ADAMTS16: variants seen among roughly 807,000 people sequenced by gnomAD.
ADAMTS16 encodes ADAM metallopeptidase with thrombospondin type 1 motif 16.
Under a neutral mutation model 145.8 loss-of-function variants are expected in ADAMTS16, and 94 were observed. The ratio of observed to expected loss-of-function variants is 0.64; its 90% CI spans 0.55 to 0.77. The LOEUF is 0.77. Among genes scored for constraint, ADAMTS16 ranks in the 30% least tolerant of loss-of-function variants. The pLI, the probability that ADAMTS16 is intolerant of heterozygous loss-of-function variation, is 0.00. For missense variants in ADAMTS16, 1,585 were observed against 1,591.5 expected (o/e 1.00, Z 0.07); for synonymous variants, 659 against 604.3 (o/e 1.09, Z -1.33).
chr5:5,198,443 C>T (rs1033053397), intron 8 of ADAMTS16, among the ~76,000 whole-genome samples: 18 of 152,270 alleles, frequency 1.2e-4, no homozygotes, highest in African/African-American at 4.3e-4. Context: ...CGCCAGATTT[C>T]CTTGGATACC....
chr5:5,173,747 A>G (rs1735113273), intron 3 of ADAMTS16, among the ~76,000 whole-genome samples: 1 of 152,204 alleles, frequency 6.6e-6, no homozygotes, highest in Non-Finnish European at 1.5e-5. Flanking sequence ...TGCTGGGATT[A>G]CAGGATAACT....
At chr5:5,275,205 C>G (rs892399977) in intron 18 of ADAMTS16, among the ~76,000 whole-genome samples, 2 of 152,050 alleles carry the variant, frequency 1.3e-5, no homozygotes, top group Non-Finnish European at 2.9e-5. Context: ...ATTCTCTGAC[C>G]CATCAATAAT....
At chr5:5,312,113 T>C (rs1259593374) in intron 21 of ADAMTS16, among the ~76,000 whole-genome samples, 2 of 152,088 alleles carry the variant, frequency 1.3e-5, no homozygotes, top group Non-Finnish European at 2.9e-5. Context: ...CCCTGAGCTC[T>C]GCAGGGACTG....
intron 3 of ADAMTS16, among the ~76,000 whole-genome samples, chr5:5,181,648 G>T (rs965710833): frequency 6.6e-5 from 10 of 152,100 alleles, no homozygotes; most frequent in Non-Finnish European, 1.5e-4. Context: ...TTCTAATTTT[G>T]ATCACTTTAT....
At chr5:5,203,005 T>C (rs1339917578) in intron 9 of ADAMTS16, among the ~76,000 whole-genome samples, 1 of 152,226 alleles carries the variant, frequency 6.6e-6, no homozygotes, top group Non-Finnish European at 1.5e-5. Context: ...TTTCTTTCTA[T>C]GATACTGGAA....
chr5:5,264,660 G>A (rs1738168021), intron 18 of ADAMTS16, among the ~76,000 whole-genome samples: 1 of 152,146 alleles, frequency 6.6e-6, no homozygotes. Flanking sequence ...TCCTTGGGAA[G>A]ATCTTGTCCT....
At chr5:5,234,064 C>A (rs531152483) in intron 12 of ADAMTS16, among the ~76,000 whole-genome samples, 1 of 152,324 alleles carries the variant, frequency 6.6e-6, no homozygotes, top group African/African-American at 2.4e-5. Context: ...TCTCCCTTTG[C>A]CCTTAAGCTT....
chr5:5,261,304 A>G (rs1238764787), intron 17 of ADAMTS16, among the ~76,000 whole-genome samples: 2 of 151,524 alleles, frequency 1.3e-5, no homozygotes, highest in Non-Finnish European at 2.9e-5. Flanking sequence ...TGCCTGGCTA[A>G]TCTTTGTATT....
In ADAMTS16 at chr5:5,319,642, C is replaced by T. The variant is rs1046208357; in HGVS notation, c.*504C>T. ...TTCCTGGGTGGAGGTCAGGGGAGCT[C>T]CAGGAGGCTGCCCAGGCTCCTCCTC... On this transcript the variant is annotated 3_prime_UTR_variant, in exon 23 of 23. Coordinates refer to ENST00000274181, the MANE Select transcript of ADAMTS16 (RefSeq NM_139056.4). The T allele has an allele frequency of 8.6e-6, 3 of 347,366 alleles. No individual in the cohort carries two copies. The highest frequency in any genetic ancestry group is 1.1e-5 in the Non-Finnish European group (2 of 180,270). 21.5% of individuals were successfully genotyped at this position (347,366 alleles called of 1,614,324 possible).
At chr5:5,280,458 T>G (rs1335910710) in intron 18 of ADAMTS16, among the ~76,000 whole-genome samples, 2 of 152,212 alleles carry the variant, frequency 1.3e-5, no homozygotes, top group Non-Finnish European at 2.9e-5. Flanking sequence ...GTTGGAGGTG[T>G]GTTTGTATTC....
chr5:5,166,675 G>A (rs1158281052), intron 3 of ADAMTS16, among the ~76,000 whole-genome samples: 2 of 152,216 alleles, frequency 1.3e-5, no homozygotes, highest in Non-Finnish European at 2.9e-5. Flanking sequence ...TGAGGAAGAA[G>A]ATGGCAATGT....
rs866683267 is a variant in ADAMTS16 at position 5,239,725 on chromosome 5, C to T, written c.2323C>T (p.Arg775Cys). ...VTIPSGARSI[R>C]IYEMNVSTSY... ...CATTCCTTCTGGAGCCCGGAGTATC[C>T]GCATCTATGAAATGAACGTCTCTAC... is the stretch of plus-strand genomic sequence containing the variant. Residue 775 changes from arginine (R) to cysteine (C), a missense_variant, in exon 16 of 23, where the codon CGC (arginine) becomes TGC (cysteine). Arg to Cys is a radical substitution (Grantham distance 180, BLOSUM62 -3). Around this residue, in one of 3 missense-constraint regions of ADAMTS16, gnomAD observed 834 missense variants for 811.7 expected, o/e 1.03. Coordinates refer to ENST00000274181, the MANE Select transcript of ADAMTS16 (RefSeq NM_139056.4). The T allele has an allele frequency of 6.2e-6, 10 of 1,613,884 alleles. No homozygotes were observed. The highest frequency in any genetic ancestry group is 2.2e-5 in the East Asian group (1 of 44,882).
At chr5:5,293,856 T>C (rs1444807702) in intron 18 of ADAMTS16, among the ~76,000 whole-genome samples, 1 of 152,150 alleles carries the variant, frequency 6.6e-6, no homozygotes, top group African/African-American at 2.4e-5. Context: ...TGCCATCCTG[T>C]GGTATCTTGC....
chr5:5,162,004 C>A (rs1310208948), intron 3 of ADAMTS16, among the ~76,000 whole-genome samples: 2 of 152,178 alleles, frequency 1.3e-5, no homozygotes, highest in Non-Finnish European at 2.9e-5. Context: ...CTTTAGTGTA[C>A]CCCAGTACCA....
At chr5:5,208,281 G>T (rs553783594) in intron 9 of ADAMTS16, among the ~76,000 whole-genome samples, 1 of 152,278 alleles carries the variant, frequency 6.6e-6, no homozygotes, top group Admixed American at 6.5e-5. Context: ...AGGATGATCT[G>T]CCATTGCTCA....
chr5:5,230,192 A>T (rs1736883209), intron 11 of ADAMTS16, among the ~76,000 whole-genome samples: 1 of 152,180 alleles, frequency 6.6e-6, no homozygotes, highest in Non-Finnish European at 1.5e-5. Context: ...CAACAAACAG[A>T]TCCATTATTT....
intron 17 of ADAMTS16, among the ~76,000 whole-genome samples, chr5:5,258,035 G>C (rs1737854559): frequency 1.3e-5 from 2 of 152,180 alleles, no homozygotes; most frequent in Non-Finnish European, 2.9e-5. Context: ...GAAGGGTCCC[G>C]AGCACAGGAG....
intron 3 of ADAMTS16, among the ~76,000 whole-genome samples, chr5:5,168,284 T>C (rs528548375): frequency 2.0e-5 from 3 of 151,504 alleles, no homozygotes; most frequent in East Asian, 3.9e-4. Flanking sequence ...AAAAATTAGC[T>C]CTTGAATTGT....
At position 5,190,138 on chromosome 5, in the gene ADAMTS16, C is replaced by A. The variant is rs368796186; in HGVS notation, c.1207+8C>A. 12 of 1,579,902 alleles carry A rather than the reference C, an allele frequency of 7.6e-6. No individual in the cohort carries two copies. The African/African-American group carries it at 1.4e-4, about 18-fold the overall frequency. Reference sequence around the variant, plus strand: ...AGCCCTGTGACACTTTGGGTGAGAACCTCCAGCAGAGTGTGAGGACCGTGT... The same window carrying A: ...AGCCCTGTGACACTTTGGGTGAGAAACTCCAGCAGAGTGTGAGGACCGTGT... On this transcript the variant is annotated splice_region_variant and intron_variant, in intron 7 of 22. Transcript: ENST00000274181.
Sources: allele counts gnomAD v4.1 joint callset (sites outside exome capture counted in the v4.1 genomes callset), GRCh38; gene constraint gnomAD v4.1.1; regional missense constraint gnomAD v4.1.1; transcripts MANE v1.5; gene names NCBI Gene and HGNC (gene_info 2026-07-23, HGNC 2026-07-21).